Variants in WWP2 observed in about 807,000 individuals in gnomAD.
WWP2 encodes the protein WW domain containing E3 ubiquitin protein ligase 2.
In WWP2, 57 loss-of-function variants were observed where a neutral mutation model predicts 121.0. The ratio of observed to expected loss-of-function variants is 0.47; its 90% CI spans 0.38 to 0.59. The LOEUF (loss-of-function observed/expected upper bound fraction) is 0.59, where lower values mean the gene tolerates loss of function less well. Ranked by LOEUF, WWP2 falls within the 20% of genes least tolerant of loss-of-function variation. The probability of loss-of-function intolerance (pLI) is 0.00; values close to 1 mark genes in which losing one functional copy is unlikely to be tolerated. For synonymous variants in WWP2, 449 were observed against 441.3 expected, an observed-to-expected ratio of 1.02 and a Z score of -0.22; for missense variants, 962 against 1,158.9, an observed-to-expected ratio of 0.83 and a Z score of 2.47.
intron 1 of WWP2, among the ~76,000 whole-genome samples, chr16:69,782,638 C>T (rs904668577): frequency 7.9e-5 from 12 of 152,068 alleles, no homozygotes; most frequent in African/African-American, 2.9e-4. Flanking sequence ...TCAGAGGTTT[C>T]CAGTGGAAGT....
chr16:69,838,212 T>C (rs1025297233), intron 4 of WWP2, among the ~76,000 whole-genome samples: 1 of 152,124 alleles, frequency 6.6e-6, no homozygotes, highest in African/African-American at 2.4e-5. Flanking sequence ...TTTACTTCTT[T>C]GCAAGAGTCC....
intron 6 of WWP2, among the ~76,000 whole-genome samples, chr16:69,850,154 A>T (rs962495602): frequency 3.3e-4 from 51 of 152,282 alleles, no homozygotes; most frequent in African/African-American, 1.2e-3. Context: ...TGGGAGGCCA[A>T]GGTGGGCAGA....
In WWP2 at chr16:69,842,119, C is replaced by G; in HGVS notation, c.574C>G (p.Arg192Gly). The G allele has an allele frequency of 6.2e-7, 1 of 1,611,856 alleles. No homozygotes were observed. The highest frequency in any genetic ancestry group is 8.5e-7 in the Non-Finnish European group (1 of 1,179,058). The stretch of plus-strand genomic sequence containing the variant: ...CACAAACTGCTTTGGTGGAAGATCC[C>G]GGTAAGACCCCCCTTGGTGAGGACA... Reference protein sequence around the residue: ...PSTNCFGGRSRTHRHSGASAR... With the variant: ...PSTNCFGGRSGTHRHSGASAR... The change falls in exon 6 of 24, where the codon CGG becomes GGG. Residue 192 changes from arginine (R) to glycine (G), a missense_variant and splice_region_variant. Around this residue, in one of 3 missense-constraint regions of WWP2, gnomAD observed 211 missense variants for 196.5 expected, o/e 1.07. Transcript: ENST00000359154.
intron 4 of WWP2, among the ~76,000 whole-genome samples, chr16:69,831,205 C>G (rs769078443): frequency 2.6e-5 from 4 of 152,178 alleles, no homozygotes; most frequent in Non-Finnish European, 5.9e-5. Context: ...TTTCATGTTT[C>G]TCAAATTTCC....
chr16:69,795,373 T>G lies in WWP2; in HGVS notation c.71-3309T>G, dbSNP rs900755248. On this transcript the variant is annotated intron_variant, in intron 2 of 23. Coordinates refer to ENST00000359154, the MANE Select transcript of WWP2 (RefSeq NM_001270454.2). ...GTCACTGTAGCCACATAGAACTGTT[T>G]ACACTTAAATTACAATTATATAACA... Among the ~76,000 whole-genome samples the G allele has an allele frequency of 1.1e-4, 17 of 152,264 alleles. 2 individuals are homozygous for G. The highest frequency in any genetic ancestry group is 3.9e-4 in the East Asian group (2 of 5,184).
intron 9 of WWP2, chr16:69,909,204 G>C (rs2058345582): frequency 9.9e-7 from 1 of 1,013,166 alleles, no homozygotes; most frequent in Non-Finnish European, 1.2e-6. Context: ...GATGAGAGAG[G>C]CTTCCAAGAG....
chr16:69,936,497 G>T (rs1313851276), intron 19 of WWP2, 45 bp downstream of exon 19: 1 of 1,610,232 alleles, frequency 6.2e-7, no homozygotes, highest in South Asian at 1.1e-5. Flanking sequence ...GTGGCGTGGA[G>T]ATCTAGTGGG....
chr16:69,902,606 C>G (rs778661747), intron 8 of WWP2, among the ~76,000 whole-genome samples: 32 of 152,244 alleles, frequency 2.1e-4, no homozygotes, highest in Admixed American at 1.7e-3. Context: ...CCCATGTGAC[C>G]AAGATGCAGT....
chr16:69,926,320 C>G (rs1422184052), intron 11 of WWP2, among the ~76,000 whole-genome samples: 2 of 152,108 alleles, frequency 1.3e-5, no homozygotes, highest in South Asian at 4.1e-4. Context: ...GCAGTTTTTG[C>G]GGGAACCAGC....
At chr16:69,769,801 A>G (rs1400926817) in intron 1 of WWP2, among the ~76,000 whole-genome samples, 3 of 151,850 alleles carry the variant, frequency 2.0e-5, no homozygotes, top group African/African-American at 7.3e-5. Flanking sequence ...TTTGTGAAAT[A>G]TATATTTAGT....
intron 23 of WWP2, among the ~76,000 whole-genome samples, 165 bp downstream of exon 23, chr16:69,939,578 C>T (rs547942012): frequency 2.0e-5 from 3 of 152,206 alleles, no homozygotes; most frequent in Non-Finnish European, 2.9e-5. Context: ...TCTGATCTAC[C>T]GGGTTTTACA....
At chr16:69,817,894 C>T (rs751973193) in intron 4 of WWP2, among the ~76,000 whole-genome samples, 2 of 151,916 alleles carry the variant, frequency 1.3e-5, no homozygotes, top group Non-Finnish European at 2.9e-5. Flanking sequence ...TTGTGCCCAG[C>T]CTAAATTCTT....
chr16:69,871,656 C>CT, intron 6 of WWP2, 148 bp from the exon 7 acceptor site: 2 of 1,168,020 alleles, frequency 1.7e-6, no homozygotes, highest in Non-Finnish European at 2.4e-6. Flanking sequence ...TTGGAACCAG[C>CT]TTCTGTTTAG....
chr16:69,784,923 GTT>G (rs879492533), intron 1 of WWP2, among the ~76,000 whole-genome samples: 1 of 144,338 alleles, frequency 6.9e-6, no homozygotes. Flanking sequence ...TAAAATATGA[GTT>G]TTTTTTTTTT....
At chr16:69,938,214 A>C (rs776612270) in intron 21 of WWP2, among the ~76,000 whole-genome samples, 61 of 151,794 alleles carry the variant, frequency 4.0e-4, no homozygotes, top group Non-Finnish European at 6.8e-4. Flanking sequence ...GGGTCTTGCT[A>C]TGGTGCCCAG....
rs1022818262 is a variant in WWP2, at chr16:69,863,293, T to TAGTTCTGTA, written c.576-8506_576-8498dup. 4.9e-4 allele frequency among the ~76,000 whole-genome samples: 75 copies of TAGTTCTGTA among 152,288 alleles called. 1 individual carries two copies. The highest frequency in any genetic ancestry group is 1.8e-3 in the African/African-American group (75 of 41,560). On this transcript the variant is annotated intron_variant, in intron 6 of 23. Coordinates refer to ENST00000359154, the MANE Select transcript of WWP2 (RefSeq NM_001270454.2). ...AGTAAAATTTACCCTTACTAGTGTA[T>TAGTTCTGTA]AGTTCTGTAAGTTTTGACAAAAGCA...
rs371004702 is a variant in WWP2 at position 69,939,970 on chromosome 16, G to T, written c.*30G>T. On this transcript the variant is annotated 3_prime_UTR_variant, in exon 24 of 24. Transcript: ENST00000359154. ...GGCCGCCCCTCCCACGCCCCCCAGC[G>T]CACATGTAGTCCTGAGTCCTCCCTG... The T allele has an allele frequency of 1.3e-6, 2 of 1,584,218 alleles. No individual in the cohort carries two copies. The highest frequency in any genetic ancestry group is 1.7e-6 in the Non-Finnish European group (2 of 1,159,134).
At chr16:69,904,770 A>C (rs549064985) in intron 8 of WWP2, among the ~76,000 whole-genome samples, 1 of 152,324 alleles carries the variant, frequency 6.6e-6, no homozygotes, top group Admixed American at 6.5e-5. Flanking sequence ...GGGAGGAACC[A>C]GGGCATCTGG....
chr16:69,920,181 TG>T (rs1189769687), intron 10 of WWP2, among the ~76,000 whole-genome samples: 2 of 152,226 alleles, frequency 1.3e-5, no homozygotes, highest in East Asian at 3.9e-4. Flanking sequence ...GATTGCTCAT[TG>T]TACAGGGAGG....
Sources: gnomAD v4.1 joint callset for allele counts (sites outside exome capture counted in the v4.1 genomes callset) on GRCh38, gnomAD v4.1.1 for gene constraint, gnomAD v4.1.1 regional missense constraint, MANE v1.5 for transcripts, NCBI Gene and HGNC (gene_info 2026-07-23, HGNC 2026-07-21) for gene names.